The following PPARGC1A variants were observed in gnomAD, a reference collection of about 807,000 sequenced individuals.
PPARGC1A encodes peroxisome proliferator-activated receptor gamma coactivator 1-alpha.
A neutral mutation model predicts 88.7 loss-of-function variants in PPARGC1A; 25 were observed. The ratio of observed to expected loss-of-function variants is 0.28; its 90% confidence interval spans 0.21 to 0.39. The LOEUF (loss-of-function observed/expected upper bound fraction) is 0.39, where lower values mean the gene tolerates loss of function less well. PPARGC1A is among the 10% of genes least tolerant of loss of function. The pLI is 1.00. For synonymous variants in PPARGC1A, 363 were observed against 355.6 expected (o/e 1.02, Z -0.24); for missense variants, 880 against 968.7 (o/e 0.91, Z 1.22).
the PPARGC1A span, among the ~76,000 whole-genome samples, chr4:24,185,324 A>G: frequency 6.6e-6 from 1 of 152,198 alleles, no homozygotes; most frequent in South Asian, 2.1e-4. Context: ...TGAAACAGAG[A>G]GGTGGATGAT....
the PPARGC1A span, among the ~76,000 whole-genome samples, chr4:24,034,141 G>C: frequency 2.0e-5 from 3 of 152,150 alleles, no homozygotes; most frequent in African/African-American, 7.2e-5. Flanking sequence ...CCCAGGAGTA[G>C]CTCAGAAGTC....
At chr4:24,224,699 G>A in the PPARGC1A span, among the ~76,000 whole-genome samples, 2 of 152,106 alleles carry the variant, frequency 1.3e-5, no homozygotes, top group African/African-American at 4.8e-5. Flanking sequence ...AAGGGGAGGT[G>A]GAGATGACTG....
chr4:24,362,967 A>G, the PPARGC1A span, among the ~76,000 whole-genome samples: 1 of 152,244 alleles, frequency 6.6e-6, no homozygotes, highest in African/African-American at 2.4e-5. Flanking sequence ...AACAATTATT[A>G]GGAATTTATA....
chr4:24,113,624 G>A, the PPARGC1A span, among the ~76,000 whole-genome samples: 6 of 152,038 alleles, frequency 3.9e-5, no homozygotes, highest in African/African-American at 1.4e-4. Context: ...ACCCAGTTCT[G>A]GCCAATGAAA....
At chr4:24,238,288 G>A in the PPARGC1A span, among the ~76,000 whole-genome samples, 1 of 152,164 alleles carries the variant, frequency 6.6e-6, no homozygotes, top group Non-Finnish European at 1.5e-5. Flanking sequence ...TAAATGCATT[G>A]TTAGTGATGT....
chr4:24,116,952 G>T, the PPARGC1A span, among the ~76,000 whole-genome samples: 1 of 151,798 alleles, frequency 6.6e-6, no homozygotes, highest in Non-Finnish European at 1.5e-5. Context: ...CCCCAACTGG[G>T]TTCTCTCTTG....
the PPARGC1A span, among the ~76,000 whole-genome samples, chr4:24,250,425 A>G: frequency 6.6e-6 from 1 of 152,216 alleles, no homozygotes; most frequent in African/African-American, 2.4e-5. Context: ...ATATCCAAGG[A>G]GAGATACAGG....
At chr4:24,350,624 A>G in the PPARGC1A span, among the ~76,000 whole-genome samples, 1 of 152,206 alleles carries the variant, frequency 6.6e-6, no homozygotes, top group East Asian at 1.9e-4. Flanking sequence ...ATCAACCCCA[A>G]AAGATGAAAA....
chr4:24,044,445 T>C, the PPARGC1A span, among the ~76,000 whole-genome samples: 8 of 143,074 alleles, frequency 5.6e-5, no homozygotes, highest in African/African-American at 2.2e-4. Flanking sequence ...TCATGGCGGA[T>C]TCACGGATTC....
the PPARGC1A span, among the ~76,000 whole-genome samples, chr4:24,057,285 C>A: frequency 1.3e-5 from 2 of 151,892 alleles, no homozygotes; most frequent in South Asian, 4.2e-4. Context: ...CAGTAGTTGC[C>A]AAGGGCCAGG....
chr4:24,206,840 T>TAAAAAAA, the PPARGC1A span, among the ~76,000 whole-genome samples: 2 of 43,648 alleles, frequency 4.6e-5, no homozygotes, highest in African/African-American at 1.5e-4. Flanking sequence ...GACTTCACCT[T>TAAAAAAA]AAAAAAAAAA....
chr4:23,843,203 T>C (rs1215654759), intron 2 of PPARGC1A, among the ~76,000 whole-genome samples: 1 of 152,158 alleles, frequency 6.6e-6, no homozygotes. Context: ...TAAATGATTC[T>C]TAAGGATTTT....
At chr4:24,054,796 C>G in the PPARGC1A span, among the ~76,000 whole-genome samples, 1 of 152,150 alleles carries the variant, frequency 6.6e-6, no homozygotes, top group African/African-American at 2.4e-5. Flanking sequence ...CAGGATATAT[C>G]TGAATACAAG....
chr4:24,321,525 A>T, the PPARGC1A span, among the ~76,000 whole-genome samples: 17 of 152,356 alleles, frequency 1.1e-4, no homozygotes, highest in East Asian at 3.1e-3. Flanking sequence ...GCAAAAAAGG[A>T]TGATACAAGT....
chr4:24,418,196 C>T, the PPARGC1A span, among the ~76,000 whole-genome samples: 1 of 152,106 alleles, frequency 6.6e-6, no homozygotes, highest in African/African-American at 2.4e-5. Flanking sequence ...TTCTTTGTTT[C>T]GTAAAATTCA....
chr4:23,814,905 C>CG (rs1327456419), intron 7 of PPARGC1A, among the ~76,000 whole-genome samples: 2 of 152,054 alleles, frequency 1.3e-5, no homozygotes, highest in Non-Finnish European at 2.9e-5. Context: ...TGCATCACCC[C>CG]TGGCCTGCAC....
intron 1 of PPARGC1A, among the ~76,000 whole-genome samples, chr4:23,887,724 G>A (rs1460476679): frequency 1.3e-5 from 2 of 152,080 alleles, no homozygotes; most frequent in Non-Finnish European, 2.9e-5. Flanking sequence ...CCTTTTGGAG[G>A]TTTTTGTGCC....
chr4:24,197,798 G>C, the PPARGC1A span, among the ~76,000 whole-genome samples: 3 of 152,212 alleles, frequency 2.0e-5, no homozygotes, highest in Admixed American at 1.3e-4. Flanking sequence ...CCAGTTAACA[G>C]TTCCTTCTTC....
At chr4:24,154,776 C>T in the PPARGC1A span, among the ~76,000 whole-genome samples, 2,524 of 152,154 alleles carry the variant, frequency 0.017, 74 homozygotes, top group African/African-American at 0.057. Flanking sequence ...ACAATCACTC[C>T]GAAACACAAA....
Sources: allele counts gnomAD v4.1 joint callset (sites outside exome capture counted in the v4.1 genomes callset), GRCh38; gene constraint gnomAD v4.1.1; transcripts MANE v1.5; gene names NCBI Gene and HGNC (gene_info 2026-07-23, HGNC 2026-07-21).